The following B4GALNT1 variants were observed in gnomAD, a reference collection of about 807,000 sequenced individuals.
The protein encoded by B4GALNT1 is beta-1,4 N-acetylgalactosaminyltransferase 1.
A neutral mutation model predicts 55.2 loss-of-function variants in B4GALNT1; 43 were observed. The ratio of observed to expected loss-of-function variants is 0.78; its 90% CI spans 0.61 to 1.00. The LOEUF is 1.00. Among genes scored for constraint, B4GALNT1 ranks in the 50% least tolerant of loss-of-function variants. The pLI is 0.00. For missense variants in B4GALNT1, 664 were observed against 729.7 expected, an observed-to-expected ratio of 0.91 and a Z score of 1.04; for synonymous variants, 305 against 311.6, an observed-to-expected ratio of 0.98 and a Z score of 0.22.
intron 4 of B4GALNT1, 21 bp from the exon 5 acceptor site, chr12:57,630,539 G>C (rs1446982356): frequency 1.3e-6 from 2 of 1,596,044 alleles, no homozygotes; most frequent in African/African-American, 1.3e-5. Context: ...GGAGTGGGGG[G>C]ATCAGAATCA....
chr12:57,624,160 C>A lies in B4GALNT1; in HGVS notation c.*2584G>T. ...ATCTTGTTAGCATCCCCAGCCTCTG[C>A]CCTGAACCAAACCTAATTGTCCTGG... On this transcript the variant is annotated 3_prime_UTR_variant, in exon 11 of 11. Coordinates refer to ENST00000341156, the MANE Select transcript of B4GALNT1 (RefSeq NM_001478.5). 6.6e-7 allele frequency: 1 copy of A among 1,511,106 alleles called. No homozygotes were observed. 93.6% of individuals were successfully genotyped at this position (1,511,106 alleles called of 1,614,324 possible). A position where few individuals can be genotyped will look rare whatever the true frequency, so the allele number is the denominator to read the frequency against.
rs138721508 is a variant in B4GALNT1 at position 57,628,718 on chromosome 12, C to A, written c.997G>T (p.Gly333Cys). ...TCAGCCTGCTAGCTGCACACCTTGCCGAAGGGCATGAGATAGTGTTCCACG... is the reference window on the plus strand; with the variant it reads ...TCAGCCTGCTAGCTGCACACCTTGCAGAAGGGCATGAGATAGTGTTCCACG... Reference protein sequence around the residue: ...PYVEHYLMPFGKGWFAGRNLA... With the variant: ...PYVEHYLMPFCKGWFAGRNLA... Residue 333 changes from glycine to cysteine, a missense_variant, in exon 8 of 11, where the codon GGC becomes TGC. Transcript: ENST00000341156. 1.2e-6 allele frequency: 2 copies of A among 1,614,036 alleles called. No individual in the cohort carries two copies. Among genetic ancestry groups the A allele is most frequent in the Non-Finnish European group, 1.7e-6 (2 of 1,180,062 alleles).
rs769337354 is a variant in B4GALNT1, at chr12:57,625,108, C to T, written c.*1636G>A. 6 of 1,613,998 alleles carry T rather than the reference C, an allele frequency of 3.7e-6. 1 individual carries two copies. In the South Asian group the frequency reaches 5.5e-5, roughly 15 times the overall value. Reference sequence around the variant, plus strand: ...CTGTGTTTCGGGAGTGGTGACTGCCCTTCTTTACTTATAGGAGACTTCAAA... The same window carrying T: ...CTGTGTTTCGGGAGTGGTGACTGCCTTTCTTTACTTATAGGAGACTTCAAA... On this transcript the variant is annotated 3_prime_UTR_variant, in exon 11 of 11. Coordinates refer to ENST00000341156, the MANE Select transcript of B4GALNT1 (RefSeq NM_001478.5).
At position 57,633,149 on chromosome 12, in the gene B4GALNT1, C is replaced by T. The variant is rs1200091719; in HGVS notation, c.-379G>A. 1 of 152,286 alleles carries T rather than the reference C, an allele frequency of 6.6e-6. No individual in the cohort carries two copies. The highest frequency in any genetic ancestry group is 1.5e-5 in the Non-Finnish European group (1 of 68,072). The allele number at this position is 152,286 out of a possible 1,614,324, so 9.4% of individuals were successfully genotyped here. A position where few individuals can be genotyped will look rare whatever the true frequency, so the allele number is the denominator to read the frequency against. ...CCCGGCTCTTCGCACCGCAGCGCAG[C>T]GCGGCTCAGCTCCCGGCTCGTTGCG... On this transcript the variant is annotated 5_prime_UTR_variant, in exon 1 of 11. Coordinates refer to ENST00000341156, the MANE Select transcript of B4GALNT1 (RefSeq NM_001478.5).
Position 57,631,239 on chromosome 12 carries a change from G to A in B4GALNT1, c.344C>T (p.Ser115Phe), listed in dbSNP as rs1030517142. Reference sequence around the variant, plus strand: ...CTGGAACTCCTGCTCTCTTGTGGCAGAGGCAGCCCTCAGCTCTGCAGGGTC... The same window carrying A: ...CTGGAACTCCTGCTCTCTTGTGGCAAAGGCAGCCCTCAGCTCTGCAGGGTC... Reference protein sequence around the residue: ...AFDPAELRAASATREQEFQAF... With the variant: ...AFDPAELRAAFATREQEFQAF... The change falls in exon 3 of 11, where the codon TCT (serine) becomes TTT (phenylalanine). Residue 115 changes from serine to phenylalanine, a missense_variant. Ser to Phe is a radical substitution (Grantham distance 155). Transcript: ENST00000341156. 9 of 1,614,100 alleles carry A rather than the reference G, an allele frequency of 5.6e-6. No individual in the cohort carries two copies. Among genetic ancestry groups the A allele is most frequent in the African/African-American group, 2.7e-5 (2 of 74,930 alleles).
intron 2 of B4GALNT1, 132 bp downstream of exon 2, chr12:57,631,783 C>T: frequency 1.0e-6 from 1 of 986,292 alleles, no homozygotes; most frequent in Non-Finnish European, 1.4e-6. Flanking sequence ...CAGCCTCCCA[C>T]TTCCACCTCC....
rs919097197 is a variant in B4GALNT1, at chr12:57,631,327, C to A, written c.256G>T (p.Gly86Trp). Residue 86 changes from glycine (G) to tryptophan (W), a missense_variant, in exon 3 of 11, where the codon GGG becomes TGG. By Grantham distance (184) the Gly-to-Trp change is radical (BLOSUM62 -2). Transcript: ENST00000341156. ...TGGAAGGGGAGGGGGAGGCCCCCCC[C>A]ACTGGACTCACAACTGCAGTTGTTC... ...AWNNCSCESS[G>W]GGLPLPFQKQ... 8 of 1,613,966 alleles carry A rather than the reference C, an allele frequency of 5.0e-6. No individual in the cohort carries two copies. Among genetic ancestry groups the A allele is most frequent in the Admixed American group, 3.3e-5 (2 of 60,006 alleles).
Position 57,632,105 on chromosome 12 carries a change from C to T in B4GALNT1, c.28G>A (p.Ala10Thr). ...GCGCAGGCGAGCAGAAGGACCAGAG[C>T]GCACAGGGCCCGGCGGCCCAGCCAC... MWLGRRALC[A>T]LVLLLACASL... The change falls in exon 2 of 11, where the codon GCT (alanine) becomes ACT (threonine). Residue 10 changes from alanine (A) to threonine (T), a missense_variant. Physicochemically the swap from Ala to Thr is moderately conservative, Grantham distance 58. Transcript: ENST00000341156. 1 of 1,480,808 alleles carries T rather than the reference C, an allele frequency of 6.8e-7. No homozygotes were observed. Among genetic ancestry groups the T allele is most frequent in the Non-Finnish European group, 9.0e-7 (1 of 1,114,534 alleles). The allele number at this position is 1,480,808 out of a possible 1,614,324, so 91.7% of individuals were successfully genotyped here.
In B4GALNT1 at chr12:57,625,305, G is replaced by C. The variant is rs756828305; in HGVS notation, c.*1439C>G. On this transcript the variant is annotated 3_prime_UTR_variant, in exon 11 of 11. Transcript: ENST00000341156. ...ACCTTTGCAGATGCTGCTGGGGCCA[G>C]AGAAGTGGTGCAGGTGAGGGAGAGG... 3 of 1,614,106 alleles carry C rather than the reference G, an allele frequency of 1.9e-6. No individual in the cohort carries two copies. The highest frequency in any genetic ancestry group is 2.5e-6 in the Non-Finnish European group (3 of 1,180,010).
In B4GALNT1 at chr12:57,625,651, G is replaced by A. The variant is rs1480021512; in HGVS notation, c.*1093C>T. 6.3e-7 allele frequency: 1 copy of A among 1,592,614 alleles called. No homozygotes were observed. Among genetic ancestry groups the A allele is most frequent in the Admixed American group, 1.7e-5 (1 of 58,096 alleles). On this transcript the variant is annotated 3_prime_UTR_variant, in exon 11 of 11. Coordinates refer to ENST00000341156, the MANE Select transcript of B4GALNT1 (RefSeq NM_001478.5). The stretch of plus-strand genomic sequence containing the variant: ...GTGACTCCAGATCAGCTGTTTGTGA[G>A]TGTGCAGGATGCAGCTGCTTATGCC...
At position 57,625,011 on chromosome 12, in the gene B4GALNT1, G is replaced by A. The variant is rs1312851903; in HGVS notation, c.*1733C>T. 3 of 1,613,350 alleles carry A rather than the reference G, an allele frequency of 1.9e-6. No individual in the cohort carries two copies. Among genetic ancestry groups the A allele is most frequent in the Non-Finnish European group, 2.5e-6 (3 of 1,179,438 alleles). On this transcript the variant is annotated 3_prime_UTR_variant, in exon 11 of 11. Coordinates refer to ENST00000341156, the MANE Select transcript of B4GALNT1 (RefSeq NM_001478.5). ...AAGGAGCTTGGTTTAGGAGGGATGTGGATCCTCAGGGAGTGGGAGGCAGGT... is the reference window on the plus strand; with the variant it reads ...AAGGAGCTTGGTTTAGGAGGGATGTAGATCCTCAGGGAGTGGGAGGCAGGT...
rs146389619 is a variant in B4GALNT1 at position 57,624,938 on chromosome 12, C to G, written c.*1806G>C. 6.2e-7 allele frequency: 1 copy of G among 1,614,166 alleles called. No individual in the cohort carries two copies. The highest frequency in any genetic ancestry group is 8.5e-7 in the Non-Finnish European group (1 of 1,180,042). ...GTACTTTGGGACCCGTGGGCAGTTT[C>G]GCTGCAACCTGGAGTGGCACCTGGG... is the stretch of plus-strand genomic sequence containing the variant. On this transcript the variant is annotated 3_prime_UTR_variant, in exon 11 of 11. Coordinates refer to ENST00000341156, the MANE Select transcript of B4GALNT1 (RefSeq NM_001478.5).
Position 57,628,257 on chromosome 12 carries a change from C to A in B4GALNT1, c.1008G>T (p.Trp336Cys). Residue 336 changes from tryptophan to cysteine, a missense_variant, in exon 9 of 11, where the codon TGG becomes TGT. By Grantham distance (215) the Trp-to-Cys change is radical. Coordinates refer to ENST00000341156, the MANE Select transcript of B4GALNT1 (RefSeq NM_001478.5). ...EHYLMPFGKG[W>C]FAGRNLAVSQ... ...ACACGGCCAGGTTCCGGCCTGCGAA[C>A]CAGCCCTGGCAGAAAGGTGTGTGTG... The A allele has an allele frequency of 6.2e-7, 1 of 1,614,262 alleles. No homozygotes were observed. Among genetic ancestry groups the A allele is most frequent in the Non-Finnish European group, 8.5e-7 (1 of 1,180,036 alleles).
intron 4 of B4GALNT1, 151 bp from the exon 5 acceptor site, chr12:57,630,669 A>G (rs1432071588): frequency 2.9e-6 from 3 of 1,021,830 alleles, no homozygotes; most frequent in Non-Finnish European, 4.2e-6. Flanking sequence ...AACATAGCCT[A>G]CAGTGACTGA....
intron 4 of B4GALNT1, 138 bp from the exon 5 acceptor site, chr12:57,630,656 T>A: frequency 9.3e-7 from 1 of 1,073,568 alleles, no homozygotes; most frequent in Non-Finnish European, 1.3e-6. Context: ...GGGCACACTG[T>A]ATAACATAGC....
At position 57,625,094 on chromosome 12, in the gene B4GALNT1, G is replaced by C; in HGVS notation, c.*1650C>G. On this transcript the variant is annotated 3_prime_UTR_variant, in exon 11 of 11. Transcript: ENST00000341156. ...GGTGCATGTTCATGCTGTGTTTCGGGAGTGGTGACTGCCCTTCTTTACTTA... is the reference window on the plus strand; with the variant it reads ...GGTGCATGTTCATGCTGTGTTTCGGCAGTGGTGACTGCCCTTCTTTACTTA... The C allele has an allele frequency of 1.2e-5, 19 of 1,614,120 alleles. No individual in the cohort carries two copies. Among genetic ancestry groups the C allele is most frequent in the Non-Finnish European group, 1.6e-5 (19 of 1,180,014 alleles).
At position 57,623,763 on chromosome 12, in the gene B4GALNT1, GCAGGAAGAC is replaced by G. The variant is rs1469803838; in HGVS notation, c.*2972_*2980del. The stretch of plus-strand genomic sequence containing the variant: ...TTCCGAGGAAGATTAGGCAGAGTGG[GCAGGAAGAC>G]CAGCTCTCATGTGGGGGTGGGAGGC... On this transcript the variant is annotated 3_prime_UTR_variant, in exon 11 of 11. Coordinates refer to ENST00000341156, the MANE Select transcript of B4GALNT1 (RefSeq NM_001478.5). The G allele has an allele frequency of 3.8e-6, 5 of 1,306,558 alleles. No individual in the cohort carries two copies. Among genetic ancestry groups the G allele is most frequent in the Non-Finnish European group, 4.3e-6 (4 of 926,814 alleles). The allele number at this position is 1,306,558 out of a possible 1,614,324, so 80.9% of individuals were successfully genotyped here. A position where few individuals can be genotyped will look rare whatever the true frequency, so the allele number is the denominator to read the frequency against.
At position 57,631,902 on chromosome 12, in the gene B4GALNT1, G is replaced by C; in HGVS notation, c.218+13C>G. On this transcript the variant is annotated intron_variant, in intron 2 of 10. Coordinates refer to ENST00000341156, the MANE Select transcript of B4GALNT1 (RefSeq NM_001478.5). ...AGCGAGCGCTGCGCTGCGCCGCCGC[G>C]GTCGGCACTCACCCCACTACTTGCT... 2 of 1,382,104 alleles carry C rather than the reference G, an allele frequency of 1.4e-6. No individual in the cohort carries two copies. Among genetic ancestry groups the C allele is most frequent in the Middle Eastern group, 2.4e-4 (1 of 4,128 alleles). 85.6% of individuals were successfully genotyped at this position (1,382,104 alleles called of 1,614,324 possible).
Position 57,623,864 on chromosome 12 carries a change from TC to T in B4GALNT1, c.*2879del. 6.2e-7 allele frequency: 1 copy of T among 1,614,108 alleles called. No homozygotes were observed. The highest frequency in any genetic ancestry group is 8.5e-7 in the Non-Finnish European group (1 of 1,180,008). ...GCAGGCCTCTTCTCCTGCACAGTGG[TC>T]CTGTCGGTGCTGCTGTGGCTGGGGC... On this transcript the variant is annotated 3_prime_UTR_variant, in exon 11 of 11. Coordinates refer to ENST00000341156, the MANE Select transcript of B4GALNT1 (RefSeq NM_001478.5).
Sources: gnomAD v4.1 joint callset for allele counts on GRCh38, gnomAD v4.1.1 for gene constraint, MANE v1.5 for transcripts, NCBI Gene and HGNC (gene_info 2026-07-23, HGNC 2026-07-21) for gene names.